The following MYT1L variants were observed in gnomAD, a reference collection of about 807,000 sequenced individuals.
The protein encoded by MYT1L is myelin transcription factor 1 like, also known as myelin transcription factor 1-like protein.
Under a neutral mutation model 126.7 loss-of-function variants are expected in MYT1L, and 12 were observed. The ratio of observed to expected loss-of-function variants is 0.09; its 90% CI spans 0.06 to 0.15. MYT1L has a LOEUF of 0.15. Among genes scored for constraint, MYT1L ranks in the 10% least tolerant of loss-of-function variants. MYT1L has a pLI of 1.00. For missense variants in MYT1L, 979 were observed against 1,585.2 expected (o/e 0.62, Z 6.49); for synonymous variants, 541 against 604.2 (o/e 0.90, Z 1.53).
At chr2:1,947,876 T>A (rs1218551744) in intron 8 of MYT1L, among the ~76,000 whole-genome samples, 6 of 152,238 alleles carry the variant, frequency 3.9e-5, no homozygotes, top group Admixed American at 3.3e-4. Flanking sequence ...TGGTTTAATA[T>A]GTGAAACATT....
chr2:1,967,722 T>G (rs11127297), intron 8 of MYT1L, among the ~76,000 whole-genome samples: 14 of 151,594 alleles, frequency 9.2e-5, no homozygotes, highest in Admixed American at 5.2e-4. Context: ...TGGAAGAGGA[T>G]GGGGGGAGGG....
At chr2:1,841,109 G>T (rs186310053) in intron 19 of MYT1L, 126 of 284,620 alleles carry the variant, frequency 4.4e-4, no homozygotes, top group African/African-American at 2.8e-3. Flanking sequence ...GTTTCACCGT[G>T]TTAGCCAGGA....
intron 5 of MYT1L, among the ~76,000 whole-genome samples, chr2:1,995,823 T>C (rs1456362113): frequency 6.6e-6 from 1 of 152,264 alleles, no homozygotes; most frequent in Middle Eastern, 3.4e-3. Flanking sequence ...TCAGGGCTGC[T>C]GCAGGTGACG....
chr2:1,855,402 C>T (rs2043785139), intron 18 of MYT1L, among the ~76,000 whole-genome samples: 1 of 152,222 alleles, frequency 6.6e-6, no homozygotes, highest in Admixed American at 6.5e-5. Flanking sequence ...GCAGCCTGTG[C>T]TGCACAGCTT....
At chr2:2,022,242 G>C (rs1296341591) in intron 4 of MYT1L, among the ~76,000 whole-genome samples, 1 of 152,154 alleles carries the variant, frequency 6.6e-6, no homozygotes, top group Admixed American at 6.5e-5. Context: ...TTCTGCCAGG[G>C]TACAAGTGGA....
At chr2:2,181,630 G>A (rs890783100) in intron 2 of MYT1L, among the ~76,000 whole-genome samples, 1 of 152,162 alleles carries the variant, frequency 6.6e-6, no homozygotes, top group Non-Finnish European at 1.5e-5. Flanking sequence ...ATCTGTGACA[G>A]AGTTGACCAC....
chr2:1,928,872 A>G lies in MYT1L; in HGVS notation c.506-5609T>C, dbSNP rs550545826. On this transcript the variant is annotated intron_variant, in intron 9 of 24. Coordinates refer to ENST00000647738, the MANE Select transcript of MYT1L (RefSeq NM_001303052.2). The stretch of plus-strand genomic sequence containing the variant: ...AATCCAGGACTCCGGACTGATATTC[A>G]GGAAGACACTGGGTTCGCCACTCCA... Among the ~76,000 whole-genome samples, 198 of 152,260 alleles carry G rather than the reference A, an allele frequency of 1.3e-3. 1 individual carries two copies. Among genetic ancestry groups the G allele is most frequent in the African/African-American group, 4.5e-3 (187 of 41,544 alleles).
At chr2:2,320,787 A>C in intron 1 of MYT1L, among the ~76,000 whole-genome samples, 1 of 152,230 alleles carries the variant, frequency 6.6e-6, no homozygotes, top group East Asian at 1.9e-4. Context: ...CAGCAAGTCT[A>C]TCTGTAGGAA....
chr2:2,131,893 A>G (rs1208404501), intron 3 of MYT1L, among the ~76,000 whole-genome samples: 1 of 149,922 alleles, frequency 6.7e-6, no homozygotes, highest in Non-Finnish European at 1.5e-5. Flanking sequence ...GGGACATGCA[A>G]GAGAGTTCAT....
At chr2:1,967,077 C>T (rs1276700231) in intron 8 of MYT1L, among the ~76,000 whole-genome samples, 1 of 152,058 alleles carries the variant, frequency 6.6e-6, no homozygotes, top group African/African-American at 2.4e-5. Flanking sequence ...TGAATTGTGA[C>T]AACAGATACT....
At chr2:1,909,574 T>C (rs1378791655) in intron 13 of MYT1L, among the ~76,000 whole-genome samples, 1 of 152,184 alleles carries the variant, frequency 6.6e-6, no homozygotes, top group African/African-American at 2.4e-5. Context: ...GCTGAGTGAA[T>C]GGGGAGCTTA....
intron 18 of MYT1L, among the ~76,000 whole-genome samples, chr2:1,859,683 G>A (rs560981697): frequency 2.0e-4 from 31 of 152,332 alleles, no homozygotes; most frequent in Middle Eastern, 3.4e-3. Flanking sequence ...AGGAATATTG[G>A]CCAGGGGATT....
intron 10 of MYT1L, among the ~76,000 whole-genome samples, chr2:1,919,287 G>A (rs770197257): frequency 3.9e-5 from 6 of 152,128 alleles, no homozygotes; most frequent in Non-Finnish European, 8.8e-5. Context: ...CATGCTATTT[G>A]CCTTCACCGT....
At chr2:2,124,820 GCA>G (rs2081480224) in intron 3 of MYT1L, among the ~76,000 whole-genome samples, 1 of 152,134 alleles carries the variant, frequency 6.6e-6, no homozygotes, top group South Asian at 2.1e-4. Flanking sequence ...CTTTGCTGAG[GCA>G]CAGACATGTC....
rs2035677773 is a variant in MYT1L at position 1,806,162 on chromosome 2, C to T, written c.3172+2914G>A. Among the ~76,000 whole-genome samples, 1 of 152,140 alleles carries T rather than the reference C, an allele frequency of 6.6e-6. No individual in the cohort carries two copies. The highest frequency in any genetic ancestry group is 2.4e-5 in the African/African-American group (1 of 41,432). On this transcript the variant is annotated intron_variant, in intron 22 of 24. Coordinates refer to ENST00000647738, the MANE Select transcript of MYT1L (RefSeq NM_001303052.2). The surrounding 1 kb of genome is among the most constrained non-coding windows in gnomAD (Gnocchi z 4.9). ...AATGATGCCTGGGCACACAACTGTG[C>T]TCTGGGGGTAAGAAAGAACTATCTC...
intron 3 of MYT1L, among the ~76,000 whole-genome samples, chr2:2,163,447 C>T (rs910907320): frequency 2.4e-4 from 36 of 151,946 alleles, no homozygotes; most frequent in Non-Finnish European, 4.0e-4. Context: ...CAAAACAGGC[C>T]GGGCGCAGTG....
intron 2 of MYT1L, among the ~76,000 whole-genome samples, chr2:2,230,592 T>C (rs999104456): frequency 2.3e-4 from 35 of 152,172 alleles, no homozygotes; most frequent in Non-Finnish European, 8.8e-5. Flanking sequence ...CAAGGTGACA[T>C]GTGACAGTGT....
chr2:1,976,144 G>A (rs1291457756), intron 8 of MYT1L, among the ~76,000 whole-genome samples: 10 of 137,856 alleles, frequency 7.3e-5, no homozygotes, highest in Admixed American at 7.1e-4. Context: ...AAAAAGACAT[G>A]TAATTTCATC....
chr2:2,124,503 C>CCA (rs1424227740), intron 3 of MYT1L, among the ~76,000 whole-genome samples: 10 of 152,058 alleles, frequency 6.6e-5, no homozygotes, highest in Admixed American at 3.3e-4. Flanking sequence ...ACCATGTTGC[C>CCA]CAGGCTGGTC....
Sources: gnomAD v4.1 joint callset for allele counts (sites outside exome capture counted in the v4.1 genomes callset) on GRCh38, gnomAD v4.1.1 for gene constraint, Gnocchi (gnomAD v3.1) non-coding constraint, MANE v1.5 for transcripts, NCBI Gene and HGNC (gene_info 2026-07-23, HGNC 2026-07-21) for gene names.